Variants in COMMD10 observed in about 807,000 individuals in gnomAD.
The protein encoded by COMMD10 is COMM domain containing 10.
In COMMD10, 33 loss-of-function variants were observed where a neutral mutation model predicts 28.9. The observed-to-expected ratio is 1.14, with a 90% CI of 0.87 to 1.53. The LOEUF is 1.53. Ranked by LOEUF, COMMD10 falls within the 40% of genes most tolerant of loss-of-function variation. COMMD10 has a pLI of 0.00. For missense variants in COMMD10, 310 were observed against 233.4 expected (o/e 1.33, Z -2.14); for synonymous variants, 110 against 81.7 (o/e 1.35, Z -1.87).
At position 116,134,321 on chromosome 5, in the gene COMMD10, G is replaced by T. The variant is rs930418908; in HGVS notation, c.510+143G>T. 12 of 544,832 alleles carry T rather than the reference G, an allele frequency of 2.2e-5. No homozygotes were observed. In the Admixed American group the frequency reaches 3.4e-4, roughly 15 times the overall value. The allele number at this position is 544,832 out of a possible 1,614,324, so 33.7% of individuals were successfully genotyped here. A position where few individuals can be genotyped will look rare whatever the true frequency, so the allele number is the denominator to read the frequency against. ...ATTAATAAGTGGATCTTTTTTGACA[G>T]AAATAGCTTATCTTGCAAGGTGCCT... On this transcript the variant is annotated intron_variant, in intron 5 of 6. Coordinates refer to ENST00000274458, the MANE Select transcript of COMMD10 (RefSeq NM_016144.4).
At chr5:116,291,066 G>T (rs10070836) in intron 5 of COMMD10, among the ~76,000 whole-genome samples, 3,321 of 152,222 alleles carry the variant, frequency 0.022, 120 homozygotes, top group African/African-American at 0.077. Flanking sequence ...GATCACAACT[G>T]CTAGATTAGT....
chr5:116,244,422 A>T (rs756023067), intron 5 of COMMD10, among the ~76,000 whole-genome samples: 7 of 152,006 alleles, frequency 4.6e-5, no homozygotes, highest in Non-Finnish European at 1.0e-4. Context: ...ACCAACATCT[A>T]TGTGAAGTCC....
intron 5 of COMMD10, among the ~76,000 whole-genome samples, chr5:116,202,246 T>C (rs1217266552): frequency 6.6e-6 from 1 of 151,728 alleles, no homozygotes; most frequent in African/African-American, 2.4e-5. Context: ...TAGTATTCCA[T>C]GGTGTATATG....
At chr5:116,287,793 C>G (rs1418190304) in intron 5 of COMMD10, among the ~76,000 whole-genome samples, 1 of 151,588 alleles carries the variant, frequency 6.6e-6, no homozygotes, top group African/African-American at 2.4e-5. Context: ...TTATAGTATT[C>G]TATTTCAAAC....
At chr5:116,163,000 T>C (rs1752967924) in intron 5 of COMMD10, among the ~76,000 whole-genome samples, 1 of 152,096 alleles carries the variant, frequency 6.6e-6, no homozygotes, top group South Asian at 2.1e-4. Context: ...TACTCCTCTC[T>C]CAGTTTCTAG....
intron 5 of COMMD10, among the ~76,000 whole-genome samples, chr5:116,245,918 T>C (rs1270302261): frequency 2.0e-5 from 3 of 151,916 alleles, no homozygotes; most frequent in East Asian, 1.9e-4. Context: ...CCCTTAAAAA[T>C]TGGCACAAAA....
chr5:116,181,561 TAAAG>T lies in COMMD10; in HGVS notation c.510+47386_510+47389del, dbSNP rs111325401. Among the ~76,000 whole-genome samples, 303 of 151,722 alleles carry T rather than the reference TAAAG, an allele frequency of 2.0e-3. 3 individuals carry two copies. The highest frequency in any genetic ancestry group is 6.7e-3 in the African/African-American group (279 of 41,348). On this transcript the variant is annotated intron_variant, in intron 5 of 6. Coordinates refer to ENST00000274458, the MANE Select transcript of COMMD10 (RefSeq NM_016144.4). Reference sequence around the variant, plus strand: ...ACATGGTTAATCATAAAAATCCACATAAAGAAGGAAATAATAATAGGAAGTCTGT... The same window carrying T: ...ACATGGTTAATCATAAAAATCCACATAAGGAAATAATAATAGGAAGTCTGT...
chr5:116,284,822 G>A (rs1751175798), intron 5 of COMMD10, among the ~76,000 whole-genome samples: 2 of 151,962 alleles, frequency 1.3e-5, no homozygotes, highest in South Asian at 4.1e-4. Flanking sequence ...AATTAAGGAC[G>A]AAATATGTAG....
rs577189202 is a variant in COMMD10 at position 116,216,706 on chromosome 5, G to T, written c.511-74811G>T. ...GCGCCACCACGCCCAGCTTATTTTT[G>T]CATTTTTAGTAGAGATGGGGAATTT... is the stretch of plus-strand genomic sequence containing the variant. On this transcript the variant is annotated intron_variant, in intron 5 of 6. Coordinates refer to ENST00000274458, the MANE Select transcript of COMMD10 (RefSeq NM_016144.4). Among the ~76,000 whole-genome samples, 46 of 152,036 alleles carry T rather than the reference G, an allele frequency of 3.0e-4. 1 individual carries two copies. The South Asian group carries it at 9.1e-3, about 30-fold the overall frequency.
At chr5:116,117,394 T>A (rs184077429) in intron 4 of COMMD10, among the ~76,000 whole-genome samples, 388 of 152,364 alleles carry the variant, frequency 2.5e-3, no homozygotes, top group Non-Finnish European at 4.4e-3. Flanking sequence ...TATGTGTGAA[T>A]CTCACCTTGA....
intron 5 of COMMD10, among the ~76,000 whole-genome samples, chr5:116,172,269 G>C (rs549669005): frequency 6.6e-6 from 1 of 152,106 alleles, no homozygotes; most frequent in Non-Finnish European, 1.5e-5. Context: ...AAAAGCTTTG[G>C]ATTATTAAAG....
chr5:116,241,906 C>T (rs1420448070), intron 5 of COMMD10, among the ~76,000 whole-genome samples: 1 of 152,112 alleles, frequency 6.6e-6, no homozygotes, highest in Non-Finnish European at 1.5e-5. Flanking sequence ...CGTGAGCCAC[C>T]ACGCCCAGCC....
chr5:116,120,454 C>T (rs1751392394), intron 4 of COMMD10, among the ~76,000 whole-genome samples: 1 of 151,988 alleles, frequency 6.6e-6, no homozygotes, highest in African/African-American at 2.4e-5. Flanking sequence ...TGCTACAGAA[C>T]TTACCCATGT....
At chr5:116,199,138 A>G (rs887638965) in intron 5 of COMMD10, among the ~76,000 whole-genome samples, 1 of 152,042 alleles carries the variant, frequency 6.6e-6, no homozygotes, top group Non-Finnish European at 1.5e-5. Flanking sequence ...TCAGTGTTCT[A>G]GATTTTGGCC....
At chr5:116,122,425 A>C (rs1023664164) in intron 4 of COMMD10, among the ~76,000 whole-genome samples, 1 of 152,212 alleles carries the variant, frequency 6.6e-6, no homozygotes, top group East Asian at 1.9e-4. Context: ...TGATGCCTCC[A>C]GCTTTGTTCT....
At chr5:116,168,429 CA>C (rs1306742391) in intron 5 of COMMD10, among the ~76,000 whole-genome samples, 2 of 151,982 alleles carry the variant, frequency 1.3e-5, no homozygotes, top group African/African-American at 4.8e-5. Flanking sequence ...ATCAATGGGA[CA>C]AAAAATTAAT....
intron 5 of COMMD10, among the ~76,000 whole-genome samples, chr5:116,201,661 A>T (rs757518637): frequency 2.6e-5 from 4 of 152,006 alleles, no homozygotes; most frequent in African/African-American, 7.3e-5. Context: ...GTGACTTCCA[A>T]GCTTCTTACA....
chr5:116,086,900 C>T (rs1208875748), intron 1 of COMMD10, among the ~76,000 whole-genome samples: 5 of 152,222 alleles, frequency 3.3e-5, no homozygotes, highest in African/African-American at 9.6e-5. Flanking sequence ...TTCTTAGAAC[C>T]CAGGAGGCAG....
At chr5:116,157,220 ATTTTAT>A (rs1253603947) in intron 5 of COMMD10, among the ~76,000 whole-genome samples, 1 of 152,064 alleles carries the variant, frequency 6.6e-6, no homozygotes, top group African/African-American at 2.4e-5. Context: ...AATACTACAT[ATTTTAT>A]TTTTATTTTT....
Sources: gnomAD v4.1 joint callset for allele counts (sites outside exome capture counted in the v4.1 genomes callset) on GRCh38, gnomAD v4.1.1 for gene constraint, MANE v1.5 for transcripts, NCBI Gene and HGNC (gene_info 2026-07-23, HGNC 2026-07-21) for gene names.